The following STK39 variants were observed in gnomAD, a reference collection of about 807,000 sequenced individuals.
The protein encoded by STK39 is serine/threonine kinase 39.
Under a neutral mutation model 77.8 loss-of-function variants are expected in STK39, and 20 were observed. The ratio of observed to expected loss-of-function variants is 0.26; its 90% CI spans 0.18 to 0.37. The LOEUF (loss-of-function observed/expected upper bound fraction) is 0.37, where lower values mean the gene tolerates loss of function less well. STK39 is among the 10% of genes least tolerant of loss of function. STK39 has a pLI of 1.00. For missense variants in STK39, 479 were observed against 656.5 expected, an observed-to-expected ratio of 0.73 and a Z score of 2.95; for synonymous variants, 246 against 234.1, an observed-to-expected ratio of 1.05 and a Z score of -0.47.
At chr2:168,064,421 T>C (rs1005357656) in intron 13 of STK39, among the ~76,000 whole-genome samples, 1 of 152,170 alleles carries the variant, frequency 6.6e-6, no homozygotes, top group Non-Finnish European at 1.5e-5. Context: ...AACCGAATCC[T>C]GACTTGGCCT....
At chr2:168,133,535 G>A (rs1222516895) in intron 8 of STK39, among the ~76,000 whole-genome samples, 2 of 152,114 alleles carry the variant, frequency 1.3e-5, no homozygotes, top group Non-Finnish European at 2.9e-5. Flanking sequence ...CTATCTCCAT[G>A]AGAAAGAATG....
At position 168,025,009 on chromosome 2, in the gene STK39, C is replaced by T. The variant is rs139039817; in HGVS notation, c.1377-7914G>A. 6.6e-4 allele frequency among the ~76,000 whole-genome samples: 100 copies of T among 152,272 alleles called. No homozygotes were observed. In the East Asian group the frequency reaches 0.019, roughly 29 times the overall value. On this transcript the variant is annotated intron_variant, in intron 14 of 17. Coordinates refer to ENST00000355999, the MANE Select transcript of STK39 (RefSeq NM_013233.3). The stretch of plus-strand genomic sequence containing the variant: ...AACAGATGAATGAATGCAGAGTTTA[C>T]AAGTCTGGCTTTTATAAAGTGCCTC...
intron 8 of STK39, among the ~76,000 whole-genome samples, chr2:168,129,985 C>T (rs1446458605): frequency 6.6e-6 from 1 of 152,132 alleles, no homozygotes; most frequent in Non-Finnish European, 1.5e-5. Flanking sequence ...ACATTAAGTG[C>T]TTGGGGCGTA....
At chr2:168,239,421 G>A (rs904084063) in intron 1 of STK39, among the ~76,000 whole-genome samples, 3 of 152,230 alleles carry the variant, frequency 2.0e-5, no homozygotes, top group Admixed American at 6.5e-5. Flanking sequence ...TAAGACCTCA[G>A]GAGAGCCAGG....
chr2:168,003,219 G>A (rs894731209), intron 16 of STK39, among the ~76,000 whole-genome samples: 5 of 152,154 alleles, frequency 3.3e-5, no homozygotes, highest in African/African-American at 4.8e-5. Context: ...CTCATGATCC[G>A]CCTGCCTTGG....
chr2:168,155,027 G>A (rs1688389871), intron 5 of STK39, among the ~76,000 whole-genome samples: 1 of 152,126 alleles, frequency 6.6e-6, no homozygotes, highest in African/African-American at 2.4e-5. Context: ...TGAATTGCAG[G>A]CCCTTACAGG....
intron 12 of STK39, among the ~76,000 whole-genome samples, chr2:168,071,186 A>G (rs964885687): frequency 4.6e-5 from 7 of 152,162 alleles, no homozygotes; most frequent in African/African-American, 1.4e-4. Flanking sequence ...CTTCACCTCA[A>G]TTATATGTCT....
chr2:168,013,312 G>A (rs774563029), intron 15 of STK39, among the ~76,000 whole-genome samples: 2 of 152,222 alleles, frequency 1.3e-5, no homozygotes, highest in Non-Finnish European at 2.9e-5. Context: ...ATAAGTGACA[G>A]GAGTTCGCAA....
chr2:168,104,589 C>T (rs79206005), intron 10 of STK39, among the ~76,000 whole-genome samples: 12 of 152,064 alleles, frequency 7.9e-5, no homozygotes, highest in South Asian at 4.2e-4. Context: ...TGGAATGGAA[C>T]GAAAGAATAT....
In STK39 at chr2:168,086,584, G is replaced by GA. The variant is rs528865962; in HGVS notation, c.1090-11354dup. Reference sequence around the variant, plus strand: ...TATGAAAAAGTTCTATAGGCAATTAGAAAAAAAATTCTAGAGAAACAAAGA... The same window carrying GA: ...TATGAAAAAGTTCTATAGGCAATTAGAAAAAAAAATTCTAGAGAAACAAAGA... On this transcript the variant is annotated intron_variant, in intron 10 of 17. Transcript: ENST00000355999. Among the ~76,000 whole-genome samples the GA allele has an allele frequency of 2.0e-3, 305 of 151,934 alleles. 1 individual carries two copies. Among genetic ancestry groups the GA allele is most frequent in the African/African-American group, 7.1e-3 (294 of 41,478 alleles).
intron 2 of STK39, among the ~76,000 whole-genome samples, chr2:168,173,071 A>T (rs1688868149): frequency 6.6e-6 from 1 of 152,202 alleles, no homozygotes; most frequent in Admixed American, 6.5e-5. Context: ...CCTACTTGCG[A>T]GCTAAGTGCT....
chr2:168,225,524 G>A (rs2030162), intron 1 of STK39, among the ~76,000 whole-genome samples: 58,305 of 151,932 alleles, frequency 0.38, 12,089 homozygotes, highest in Non-Finnish European at 0.48. Context: ...CTCAGGATTC[G>A]GGTATCATTA....
At chr2:168,038,550 CA>C (rs1323699439) in intron 14 of STK39, among the ~76,000 whole-genome samples, 5 of 151,390 alleles carry the variant, frequency 3.3e-5, no homozygotes, top group African/African-American at 1.2e-4. Context: ...CAAGAAAATA[CA>C]AATCATAAAA....
At chr2:168,227,965 T>G (rs1690350344) in intron 1 of STK39, among the ~76,000 whole-genome samples, 1 of 152,132 alleles carries the variant, frequency 6.6e-6, no homozygotes, top group Non-Finnish European at 1.5e-5. Context: ...CCAAAACGAT[T>G]TTTCTACCAA....
intron 10 of STK39, among the ~76,000 whole-genome samples, chr2:168,093,865 C>T (rs1318935145): frequency 6.6e-6 from 1 of 152,210 alleles, no homozygotes; most frequent in Admixed American, 6.5e-5. Flanking sequence ...CCAATCTCCT[C>T]ATCAAGACAC....
intron 1 of STK39, among the ~76,000 whole-genome samples, chr2:168,225,351 T>C (rs769809962): frequency 7.9e-5 from 12 of 151,150 alleles, no homozygotes; most frequent in Non-Finnish European, 1.8e-4. Context: ...TCAATATCCA[T>C]GGAGAAGATA....
At chr2:168,156,824 T>C (rs763404371) in intron 5 of STK39, among the ~76,000 whole-genome samples, 1 of 152,212 alleles carries the variant, frequency 6.6e-6, no homozygotes, top group African/African-American at 2.4e-5. Flanking sequence ...CATTTCCTGA[T>C]TGGATGCCTC....
intron 10 of STK39, among the ~76,000 whole-genome samples, chr2:168,086,810 T>C (rs1288526971): frequency 6.6e-6 from 1 of 152,154 alleles, no homozygotes; most frequent in Non-Finnish European, 1.5e-5. Context: ...AAAGAGAATG[T>C]TCTGGAAGTT....
chr2:167,963,473 C>A (rs1692056311), intron 17 of STK39, among the ~76,000 whole-genome samples: 1 of 151,244 alleles, frequency 6.6e-6, no homozygotes, highest in Admixed American at 6.6e-5. Flanking sequence ...CATATATTGG[C>A]TTGAAATGCT....
Sources: allele counts gnomAD v4.1 joint callset (sites outside exome capture counted in the v4.1 genomes callset), GRCh38; gene constraint gnomAD v4.1.1; transcripts MANE v1.5; gene names NCBI Gene and HGNC (gene_info 2026-07-23, HGNC 2026-07-21).